MON1B: variants seen among roughly 807,000 people sequenced by gnomAD.
MON1B encodes the protein MON1 vesicular trafficking associated B.
Under a neutral mutation model 45.1 loss-of-function variants are expected in MON1B, and 26 were observed. The observed-to-expected ratio is 0.58, with a 90% CI of 0.42 to 0.80. MON1B has a LOEUF of 0.80. MON1B is among the 30% of genes least tolerant of loss of function. MON1B has a pLI of 0.00. For missense variants in MON1B, 737 were observed against 754.5 expected, an observed-to-expected ratio of 0.98 and a Z score of 0.27; for synonymous variants, 395 against 320.2, an observed-to-expected ratio of 1.23 and a Z score of -2.49.
chr16:77,194,193 C>T lies in MON1B; in HGVS notation c.476-142C>T. The T allele has an allele frequency of 2.5e-6, 2 of 786,578 alleles. No homozygotes were observed. The highest frequency in any genetic ancestry group is 4.4e-6 in the Non-Finnish European group (2 of 452,520). The allele number at this position is 786,578 out of a possible 1,614,324, so 48.7% of individuals were successfully genotyped here. ...CCAGATTCCTCCAGCTTGTCCTTAC[C>T]CCAGTCCAGGTGCCCACAGAGTGAG... On this transcript the variant is annotated intron_variant, in intron 3 of 5. Coordinates refer to ENST00000248248, the MANE Select transcript of MON1B (RefSeq NM_014940.4). This position sits in a 1 kb window ranked among gnomAD's most constrained non-coding sequence, Gnocchi z 8.1.
chr16:77,195,015 G>T lies in MON1B; in HGVS notation c.1156G>T (p.Ala386Ser). ...ALGAMRALGE[A>S]ASFSNASSAS... ...TGGTGCCATGCGTGCCCTTGGGGAG[G>T]CTGCCAGCTTCTCTAATGCCTCATC... Residue 386 changes from alanine to serine, a missense_variant, in exon 4 of 6, where the codon GCT becomes TCT. Physicochemically the swap from Ala to Ser is moderately conservative, Grantham distance 99. Coordinates refer to ENST00000248248, the MANE Select transcript of MON1B (RefSeq NM_014940.4). The T allele has an allele frequency of 6.2e-7, 1 of 1,613,198 alleles. No individual in the cohort carries two copies. Among genetic ancestry groups the T allele is most frequent in the South Asian group, 1.1e-5 (1 of 91,082 alleles).
chr16:77,193,328 C>G lies in MON1B; in HGVS notation c.149-123C>G. 1 of 916,548 alleles carries G rather than the reference C, an allele frequency of 1.1e-6. No homozygotes were observed. Among genetic ancestry groups the G allele is most frequent in the Non-Finnish European group, 1.6e-6 (1 of 612,470 alleles). 56.8% of individuals were successfully genotyped at this position (916,548 alleles called of 1,614,324 possible). A position where few individuals can be genotyped will look rare whatever the true frequency, so the allele number is the denominator to read the frequency against. On this transcript the variant is annotated intron_variant, in intron 2 of 5. Transcript: ENST00000248248. This position sits in a 1 kb window ranked among gnomAD's most constrained non-coding sequence, Gnocchi z 5.0. ...GGGTCATTGAGGGGCATAGGAGACA[C>G]TTGGAGTTCTGCGTCAGCATGCAGG...
At chr16:77,198,040 C>T in intron 5 of MON1B, 68 bp from the exon 6 acceptor site, 2 of 1,498,594 alleles carry the variant, frequency 1.3e-6, no homozygotes, top group Non-Finnish European at 1.9e-6. Flanking sequence ...TGCAGCTGCA[C>T]TGGGGTAGGC....
At position 77,198,441 on chromosome 16, in the gene MON1B, G is replaced by C. The variant is rs2054690401; in HGVS notation, c.*133G>C. The C allele has an allele frequency of 1.0e-6, 1 of 996,840 alleles. No individual in the cohort carries two copies. The highest frequency in any genetic ancestry group is 1.6e-5 in the African/African-American group (1 of 61,578). The allele number at this position is 996,840 out of a possible 1,614,324, so 61.7% of individuals were successfully genotyped here. ...CTCCCTAAGCAATGGGGCAAGGTCT[G>C]AGGGCCCACCGATGAGAGAGATGGT... On this transcript the variant is annotated 3_prime_UTR_variant, in exon 6 of 6. Transcript: ENST00000248248.
intron 1 of MON1B, 39 bp from the exon 2 acceptor site, chr16:77,191,437 C>G (rs1447980615): frequency 3.2e-6 from 5 of 1,574,620 alleles, no homozygotes; most frequent in East Asian, 2.2e-5. Context: ...TCAGAAGTTT[C>G]TTTCACCGCC....
In MON1B at chr16:77,199,587, A is replaced by G. The variant is rs535625150; in HGVS notation, c.*1279A>G. 3 of 1,091,294 alleles carry G rather than the reference A, an allele frequency of 2.7e-6. No homozygotes were observed. Among genetic ancestry groups the G allele is most frequent in the South Asian group, 1.5e-5 (1 of 67,340 alleles). The allele number at this position is 1,091,294 out of a possible 1,614,324, so 67.6% of individuals were successfully genotyped here. A position where few individuals can be genotyped will look rare whatever the true frequency, so the allele number is the denominator to read the frequency against. ...AGGAGGGAGGATTCGTCCCATTACA[A>G]TAATGAAATAATGATATTCTAATTT... On this transcript the variant is annotated 3_prime_UTR_variant, in exon 6 of 6. Transcript: ENST00000248248.
In MON1B at chr16:77,194,100, C is replaced by G; in HGVS notation, c.476-235C>G. On this transcript the variant is annotated intron_variant, in intron 3 of 5. Coordinates refer to ENST00000248248, the MANE Select transcript of MON1B (RefSeq NM_014940.4). The surrounding 1 kb of genome is among the most constrained non-coding windows in gnomAD (Gnocchi z 8.1). ...CCCTTGTACCATCTCTACCCGCCTGCCCGTGGTCTTTGCTGTGTATCTAAC... is the reference window on the plus strand; with the variant it reads ...CCCTTGTACCATCTCTACCCGCCTGGCCGTGGTCTTTGCTGTGTATCTAAC... The G allele has an allele frequency of 1.6e-6, 1 of 610,572 alleles. No homozygotes were observed. Among genetic ancestry groups the G allele is most frequent in the South Asian group, 1.9e-5 (1 of 52,230 alleles). The allele number at this position is 610,572 out of a possible 1,614,324, so 37.8% of individuals were successfully genotyped here.
At chr16:77,196,646 C>T (rs2054668140) in intron 5 of MON1B, among the ~76,000 whole-genome samples, 1 of 152,048 alleles carries the variant, frequency 6.6e-6, no homozygotes, top group Admixed American at 6.6e-5. Flanking sequence ...CGTGGTGGTG[C>T]GCACCTGTAG....
chr16:77,194,409 G>A lies in MON1B; in HGVS notation c.550G>A (p.Ala184Thr), dbSNP rs1165628602. Residue 184 changes from alanine to threonine, a missense_variant, in exon 4 of 6, where the codon GCC becomes ACC. Physicochemically the swap from Ala to Thr is moderately conservative, Grantham distance 58. Coordinates refer to ENST00000248248, the MANE Select transcript of MON1B (RefSeq NM_014940.4). This position sits in a 1 kb window ranked among gnomAD's most constrained non-coding sequence, Gnocchi z 8.1. ...CATGTCACGGACTTCTCAGTCAGCA[G>A]CCCAGCTGCGGGGGGAGCTGCTAGC... is the stretch of plus-strand genomic sequence containing the variant. The part of the protein sequence containing the change: ...VAMSRTSQSA[A>T]QLRGELLAVH... 2.5e-6 allele frequency: 4 copies of A among 1,613,498 alleles called. No individual in the cohort carries two copies. In the African/African-American group the frequency reaches 4.0e-5, roughly 16 times the overall value.
rs754611787 is a variant in MON1B at position 77,198,306 on chromosome 16, T to G, written c.1642T>G (p.Ter548GlyextTer1). 5 of 1,613,928 alleles carry G rather than the reference T, an allele frequency of 3.1e-6. No individual in the cohort carries two copies. Among genetic ancestry groups the G allele is most frequent in the Non-Finnish European group, 4.2e-6 (5 of 1,179,772 alleles). The change falls in exon 6 of 6, where the codon TGA becomes GGA. Residue 548 changes from the stop codon to glycine, a stop_lost. Coordinates refer to ENST00000248248, the MANE Select transcript of MON1B (RefSeq NM_014940.4). ...AAHNGLFTGL[*>G] ...CCATAATGGCTTGTTCACTGGACTCTGATAGTTGGAGCTCCCAGACCAGGC... is the reference window on the plus strand; with the variant it reads ...CCATAATGGCTTGTTCACTGGACTCGGATAGTTGGAGCTCCCAGACCAGGC...
Position 77,193,787 on chromosome 16 carries a change from C to A in MON1B, c.475+10C>A. 2 of 1,600,760 alleles carry A rather than the reference C, an allele frequency of 1.2e-6. No individual in the cohort carries two copies. The highest frequency in any genetic ancestry group is 2.2e-5 in the South Asian group (2 of 89,710). ...CGTGCCATCTACGCTGGTGAGCAAA[C>A]AGGTGGGAGGCAGAATGGGGGACAG... On this transcript the variant is annotated intron_variant, in intron 3 of 5. Transcript: ENST00000248248. The surrounding 1 kb of genome is among the most constrained non-coding windows in gnomAD (Gnocchi z 5.0).
At chr16:77,192,285 G>C (rs2054623062) in intron 2 of MON1B, among the ~76,000 whole-genome samples, 1 of 152,168 alleles carries the variant, frequency 6.6e-6, no homozygotes, top group Non-Finnish European at 1.5e-5. Context: ...TGAGGACTTG[G>C]GAATTAATAG....
intron 2 of MON1B, among the ~76,000 whole-genome samples, chr16:77,191,884 G>C (rs906705909): frequency 6.6e-6 from 1 of 152,138 alleles, no homozygotes; most frequent in African/African-American, 2.4e-5. Context: ...CAAAAAGGGG[G>C]CTGTTAGGAC....
Position 77,193,675 on chromosome 16 carries a change from C to T in MON1B, c.373C>T (p.Arg125Trp), listed in dbSNP as rs1029788096. The stretch of plus-strand genomic sequence containing the variant: ...TGAGGCTGGCAAGCCCATCTACTCG[C>T]GGTATGGTAGTGTGGAGGCGCTGTC... Reference protein sequence around the residue: ...LSEAGKPIYSRYGSVEALSAT... With the variant: ...LSEAGKPIYSWYGSVEALSAT... Residue 125 changes from arginine to tryptophan, a missense_variant, in exon 3 of 6, where the codon CGG becomes TGG. Physicochemically the swap from Arg to Trp is moderately radical, Grantham distance 101. Coordinates refer to ENST00000248248, the MANE Select transcript of MON1B (RefSeq NM_014940.4). This position sits in a 1 kb window ranked among gnomAD's most constrained non-coding sequence, Gnocchi z 5.0. 16 of 1,614,068 alleles carry T rather than the reference C, an allele frequency of 9.9e-6. No homozygotes were observed. The highest frequency in any genetic ancestry group is 1.3e-5 in the African/African-American group (1 of 75,024).
rs372990815 is a variant in MON1B at position 77,193,506 on chromosome 16, C to T, written c.204C>T (p.Ala68=). The change falls in exon 3 of 6, where the codon GCC becomes GCT. Residue 68 remains alanine, a synonymous_variant. Transcript: ENST00000248248. This position sits in a 1 kb window ranked among gnomAD's most constrained non-coding sequence, Gnocchi z 5.0. ...PSPSPPPQSE[A]LSSTSRLWSP... Reference sequence around the variant, plus strand: ...CATCACCACCGCCCCAGTCAGAGGCCCTGTCAAGCACCTCTCGGCTCTGGA... The same window carrying T: ...CATCACCACCGCCCCAGTCAGAGGCTCTGTCAAGCACCTCTCGGCTCTGGA... 2 of 1,606,148 alleles carry T rather than the reference C, an allele frequency of 1.2e-6. No individual in the cohort carries two copies. Among genetic ancestry groups the T allele is most frequent in the African/African-American group, 1.3e-5 (1 of 74,920 alleles).
Position 77,200,888 on chromosome 16 carries a change from T to C in MON1B, c.*2580T>C, listed in dbSNP as rs1226328650. The C allele has an allele frequency of 6.6e-6, 1 of 152,172 alleles. No homozygotes were observed. The highest frequency in any genetic ancestry group is 2.4e-5 in the African/African-American group (1 of 41,426). 9.4% of individuals were successfully genotyped at this position (152,172 alleles called of 1,614,324 possible). A position where few individuals can be genotyped will look rare whatever the true frequency, so the allele number is the denominator to read the frequency against. Reference sequence around the variant, plus strand: ...AGAAAATAGCTTTAAACAAAGCCCATGTGTACCTATCAGTATGCTTTAACT... The same window carrying C: ...AGAAAATAGCTTTAAACAAAGCCCACGTGTACCTATCAGTATGCTTTAACT... On this transcript the variant is annotated 3_prime_UTR_variant, in exon 6 of 6. Coordinates refer to ENST00000248248, the MANE Select transcript of MON1B (RefSeq NM_014940.4).
chr16:77,197,215 G>A (rs961666429), intron 5 of MON1B, among the ~76,000 whole-genome samples: 2 of 151,600 alleles, frequency 1.3e-5, no homozygotes, highest in African/African-American at 4.8e-5. Context: ...GGCCAACAGG[G>A]TGGAACCCCA....
intron 5 of MON1B, among the ~76,000 whole-genome samples, chr16:77,197,687 T>C (rs1045021870): frequency 6.6e-6 from 1 of 152,108 alleles, no homozygotes; most frequent in Non-Finnish European, 1.5e-5. Flanking sequence ...CTAGTGACCT[T>C]GTGGGGTCAG....
chr16:77,193,685 G>A lies in MON1B; in HGVS notation c.383G>A (p.Ser128Asn). 1 of 1,614,104 alleles carries A rather than the reference G, an allele frequency of 6.2e-7. No homozygotes were observed. Among genetic ancestry groups the A allele is most frequent in the South Asian group, 1.1e-5 (1 of 91,090 alleles). The change falls in exon 3 of 6, where the codon AGT (serine) becomes AAT (asparagine). Residue 128 changes from serine to asparagine, a missense_variant. Physicochemically the swap from Ser to Asn is conservative, Grantham distance 46 (BLOSUM62 1). Transcript: ENST00000248248. This position sits in a 1 kb window ranked among gnomAD's most constrained non-coding sequence, Gnocchi z 5.0. ...AGKPIYSRYGSVEALSATMGV... is the reference protein window; with the variant it reads ...AGKPIYSRYGNVEALSATMGV... The stretch of plus-strand genomic sequence containing the variant: ...AAGCCCATCTACTCGCGGTATGGTA[G>A]TGTGGAGGCGCTGTCGGCTACCATG...
Sources: allele counts gnomAD v4.1 joint callset (sites outside exome capture counted in the v4.1 genomes callset), GRCh38; gene constraint gnomAD v4.1.1; non-coding constraint Gnocchi (gnomAD v3.1); transcripts MANE v1.5; gene names NCBI Gene and HGNC (gene_info 2026-07-23, HGNC 2026-07-21).